The following NHSL1 variants were observed in gnomAD, a reference collection of about 807,000 sequenced individuals.
NHSL1 encodes NHS-like protein 1.
In NHSL1, 48 loss-of-function variants were observed where a neutral mutation model predicts 95.0. The ratio of observed to expected loss-of-function variants is 0.51; its 90% CI spans 0.40 to 0.64. The LOEUF is 0.64. Ranked by LOEUF, NHSL1 falls within the 30% of genes least tolerant of loss-of-function variation. The pLI is 0.00. For missense variants in NHSL1, 1,971 were observed against 2,077.7 expected, an observed-to-expected ratio of 0.95 and a Z score of 1.00; for synonymous variants, 783 against 833.9, an observed-to-expected ratio of 0.94 and a Z score of 1.05.
At position 138,689,800 on chromosome 6, in the gene NHSL1, A is replaced by T. The variant is rs1205111941; in HGVS notation, c.96+2676T>A. Among the ~76,000 whole-genome samples the T allele has an allele frequency of 2.0e-5, 3 of 147,026 alleles. No individual in the cohort carries two copies. The East Asian group carries it at 6.1e-4, about 30-fold the overall frequency. ...CATTTCCACACCTTTTTTTTTTTTG[A>T]GACAGTCTCGCTAATTTTTGTATTT... is the stretch of plus-strand genomic sequence containing the variant. On this transcript the variant is annotated intron_variant, in intron 1 of 3. Transcript: ENST00000491526.
In NHSL1 at chr6:138,536,631, T is replaced by TC. The variant is rs1483554463; in HGVS notation, c.16+8991dup. Among the ~76,000 whole-genome samples, 20 of 92,184 alleles carry TC rather than the reference T, an allele frequency of 2.2e-4. No individual in the cohort carries two copies. The Admixed American group carries it at 2.2e-3, about 10-fold the overall frequency. 60.5% of individuals were successfully genotyped at this position (92,184 alleles called of 152,430 possible). A position where few individuals can be genotyped will look rare whatever the true frequency, so the allele number is the denominator to read the frequency against. On this transcript the variant is annotated intron_variant, in intron 1 of 4. Transcript: ENST00000342260. The stretch of plus-strand genomic sequence containing the variant: ...TTTTTTTTTTTTTTTTTTTTTTTTT[T>TC]CACTTTAAGCTCTGGGATACATGTG...
chr6:138,587,572 T>A (rs1410858185), intron 1 of NHSL1, among the ~76,000 whole-genome samples: 1 of 148,942 alleles, frequency 6.7e-6, no homozygotes, highest in African/African-American at 2.5e-5. Flanking sequence ...CTTTAAGAAC[T>A]ACTGATCTTT....
At chr6:138,477,047 A>G (rs1413563934) in intron 2 of NHSL1, among the ~76,000 whole-genome samples, 6 of 151,210 alleles carry the variant, frequency 4.0e-5, no homozygotes, top group Non-Finnish European at 8.8e-5. Flanking sequence ...TTATTAACTT[A>G]TGCTGCTAAA....
chr6:138,606,407 T>C (rs999686482), intron 1 of NHSL1, among the ~76,000 whole-genome samples: 3 of 152,260 alleles, frequency 2.0e-5, no homozygotes, highest in Non-Finnish European at 2.9e-5. Flanking sequence ...AAAATGTCTA[T>C]TGATTTAGTA....
intron 3 of NHSL1, among the ~76,000 whole-genome samples, chr6:138,449,318 A>G (rs924232597): frequency 1.3e-5 from 2 of 152,176 alleles, no homozygotes; most frequent in African/African-American, 4.8e-5. Context: ...ACCTTTGTGC[A>G]TCCACAGAGG....
chr6:138,661,412 T>C (rs1785225223), intron 1 of NHSL1, among the ~76,000 whole-genome samples: 1 of 151,800 alleles, frequency 6.6e-6, no homozygotes, highest in African/African-American at 2.4e-5. Context: ...GGAGAATCAC[T>C]TGAACCCGGG....
chr6:138,674,532 A>G (rs1486675260), intron 1 of NHSL1, among the ~76,000 whole-genome samples: 1 of 152,044 alleles, frequency 6.6e-6, no homozygotes, highest in Admixed American at 6.6e-5. Context: ...ATGTATTCTC[A>G]TTGTTCAGCT....
upstream of NHSL1, among the ~76,000 whole-genome samples, chr6:138,573,566 C>A (rs1783912456): frequency 6.6e-6 from 1 of 152,206 alleles, no homozygotes; most frequent in Non-Finnish European, 1.5e-5. Flanking sequence ...GACAGGAACA[C>A]TTGTAGAAGA....
At chr6:138,581,920 C>G (rs1784065022) in intron 1 of NHSL1, among the ~76,000 whole-genome samples, 1 of 129,276 alleles carries the variant, frequency 7.7e-6, no homozygotes, top group African/African-American at 2.9e-5. Flanking sequence ...TTTTTTGAGT[C>G]AGAGTCTTGC....
chr6:138,456,426 A>T (rs115324679), intron 3 of NHSL1, among the ~76,000 whole-genome samples: 2,094 of 152,276 alleles, frequency 0.014, 51 homozygotes, highest in African/African-American at 0.047. Context: ...CTTATCAACA[A>T]AGCCTAAAAC....
chr6:138,552,643 T>G (rs1783052154), intron 1 of NHSL1, among the ~76,000 whole-genome samples: 1 of 152,132 alleles, frequency 6.6e-6, no homozygotes, highest in Non-Finnish European at 1.5e-5. Context: ...TAAGAACCTT[T>G]AGGTCCTTCT....
Position 138,430,752 on chromosome 6 carries a change from T to G in NHSL1, c.3593A>C (p.Lys1198Thr), listed in dbSNP as rs769754574. ...PSRKPPPISK[K>T]PKLFLVVPPP... ...TGGTACCACCAGGAACAGTTTGGGC[T>G]TCTTGGAAATGGGGGGTGGCTTCCT... The change falls in exon 6 of 8, where the codon AAG (lysine) becomes ACG (threonine). Residue 1198 changes from lysine (K) to threonine (T), a missense_variant. Physicochemically the swap from Lys to Thr is moderately conservative, Grantham distance 78. This residue lies in a region of NHSL1 where 1,602 missense variants were observed against 1,654.5 expected (regional missense o/e 0.97). Transcript: ENST00000343505. The surrounding 1 kb of genome is among the most constrained non-coding windows in gnomAD (Gnocchi z 4.7). 4.1e-5 allele frequency: 64 copies of G among 1,551,608 alleles called. No homozygotes were observed. Among genetic ancestry groups the G allele is most frequent in the Non-Finnish European group, 5.4e-5 (62 of 1,147,008 alleles).
chr6:138,629,413 G>A (rs186077868), intron 1 of NHSL1, among the ~76,000 whole-genome samples: 80 of 147,706 alleles, frequency 5.4e-4, no homozygotes, highest in Middle Eastern at 3.5e-3. Context: ...ACGGAGTCTC[G>A]CTCTTGTTGC....
At chr6:138,472,126 G>T (rs1404889087) in intron 3 of NHSL1, among the ~76,000 whole-genome samples, 2 of 145,786 alleles carry the variant, frequency 1.4e-5, no homozygotes, top group Non-Finnish European at 3.0e-5. Flanking sequence ...AGTTTGCAGT[G>T]AGCCAAGATT....
intron 3 of NHSL1, among the ~76,000 whole-genome samples, chr6:138,449,271 G>A (rs547274254): frequency 4.6e-5 from 7 of 152,266 alleles, no homozygotes; most frequent in Admixed American, 6.5e-5. Context: ...CCTAAACTTT[G>A]ATGTTTCCTT....
chr6:138,577,983 G>T (rs1034332592), intron 1 of NHSL1, among the ~76,000 whole-genome samples: 1 of 152,166 alleles, frequency 6.6e-6, no homozygotes, highest in Non-Finnish European at 1.5e-5. Flanking sequence ...ACTCTAGAAA[G>T]AAGTCATGGA....
intron 1 of NHSL1, among the ~76,000 whole-genome samples, chr6:138,609,865 C>A (rs1453810379): frequency 6.6e-6 from 1 of 151,990 alleles, no homozygotes; most frequent in Non-Finnish European, 1.5e-5. Context: ...GGCACCAATA[C>A]TCAATAATTT....
At chr6:138,496,183 C>G in intron 2 of NHSL1, 36 bp downstream of exon 2, 1 of 1,549,322 alleles carries the variant, frequency 6.5e-7, no homozygotes, top group Non-Finnish European at 8.7e-7. Flanking sequence ...CAGCCAGTAA[C>G]CCAAGAAAAT....
intron 1 of NHSL1, among the ~76,000 whole-genome samples, chr6:138,521,955 G>T (rs1050977740): frequency 6.6e-6 from 1 of 152,200 alleles, no homozygotes; most frequent in African/African-American, 2.4e-5. Flanking sequence ...GAGCCTTGGA[G>T]GAGGCCCAGA....
Sources: allele counts gnomAD v4.1 joint callset (sites outside exome capture counted in the v4.1 genomes callset), GRCh38; gene constraint gnomAD v4.1.1; regional missense constraint gnomAD v4.1.1; non-coding constraint Gnocchi (gnomAD v3.1); transcripts MANE v1.5; gene names NCBI Gene and HGNC (gene_info 2026-07-23, HGNC 2026-07-21).